OR2C1: variants seen among roughly 807,000 people sequenced by gnomAD.
OR2C1 encodes the protein olfactory receptor family 2 subfamily C member 1, also known as olfactory receptor 2C1.
For synonymous variants in OR2C1, 209 were observed against 167.3 expected, an observed-to-expected ratio of 1.25 and a Z score of -1.92; for missense variants, 468 against 388.3, an observed-to-expected ratio of 1.21 and a Z score of -1.73.
In OR2C1 at chr16:3,356,159, C is replaced by T. The variant is rs1227382345; in HGVS notation, c.219C>T (p.Phe73=). ...LSNLSSLDLA[F]ATSSVPQMLI... ...ACCTCTCCTCCTTGGACCTTGCTTTCGCTACTAGTTCAGTCCCCCAAATGC... is the reference window on the plus strand; with the variant it reads ...ACCTCTCCTCCTTGGACCTTGCTTTTGCTACTAGTTCAGTCCCCCAAATGC... Residue 73 remains phenylalanine (F), a synonymous_variant, in exon 1 of 1, where the codon TTC becomes TTT. Transcript: ENST00000304936. 3.7e-6 allele frequency: 6 copies of T among 1,614,202 alleles called. No individual in the cohort carries two copies. The highest frequency in any genetic ancestry group is 1.1e-5 in the South Asian group (1 of 91,084).
the OR2C1 span, among the ~76,000 whole-genome samples, chr16:3,338,502 T>A: frequency 6.7e-6 from 1 of 149,928 alleles, no homozygotes; most frequent in Non-Finnish European, 1.5e-5. Context: ...TGGTTTTGGT[T>A]TTCTGTGGGG....
At chr16:3,329,722 T>C in the OR2C1 span, among the ~76,000 whole-genome samples, 1 of 146,626 alleles carries the variant, frequency 6.8e-6, no homozygotes, top group African/African-American at 2.5e-5. Context: ...GTGCTGGGAT[T>C]ACAGGCGTGA....
At chr16:3,332,833 A>G in the OR2C1 span, among the ~76,000 whole-genome samples, 723 of 152,180 alleles carry the variant, frequency 4.8e-3, 4 homozygotes, top group Non-Finnish European at 5.7e-3. Flanking sequence ...GTGTTGCAAT[A>G]AACATGGGAA....
At chr16:3,334,534 T>C in the OR2C1 span, among the ~76,000 whole-genome samples, 1 of 148,374 alleles carries the variant, frequency 6.7e-6, no homozygotes, top group African/African-American at 2.5e-5. Context: ...CAACTCAGCC[T>C]CCCAAAGTGC....
the OR2C1 span, among the ~76,000 whole-genome samples, chr16:3,349,126 C>T: frequency 3.9e-5 from 6 of 152,142 alleles, no homozygotes; most frequent in African/African-American, 1.4e-4. Context: ...CCCCCTCCCC[C>T]ACGTTGTATA....
the OR2C1 span, among the ~76,000 whole-genome samples, chr16:3,349,199 A>C: frequency 6.6e-6 from 1 of 152,178 alleles, no homozygotes; most frequent in Non-Finnish European, 1.5e-5. Context: ...TCATATAATT[A>C]GCAATTATTT....
At chr16:3,345,809 CTCCT>C in the OR2C1 span, among the ~76,000 whole-genome samples, 49 of 138,822 alleles carry the variant, frequency 3.5e-4, no homozygotes, top group African/African-American at 1.0e-3. Flanking sequence ...TCTCTTTTCT[CTCCT>C]TCCTTCCTTC....
the OR2C1 span, among the ~76,000 whole-genome samples, chr16:3,332,401 T>C: frequency 6.6e-6 from 1 of 152,116 alleles, no homozygotes; most frequent in Non-Finnish European, 1.5e-5. Context: ...TTGAAAAGTG[T>C]AATAGATTAT....
chr16:3,347,670 C>A, the OR2C1 span, among the ~76,000 whole-genome samples: 1 of 152,164 alleles, frequency 6.6e-6, no homozygotes, highest in Non-Finnish European at 1.5e-5. Context: ...TGCTCTGCAA[C>A]TGGCTTTTAT....
chr16:3,336,813 ATTC>A, the OR2C1 span, among the ~76,000 whole-genome samples: 21 of 144,808 alleles, frequency 1.5e-4, no homozygotes, highest in African/African-American at 2.6e-4. Context: ...GGTTCAAGCG[ATTC>A]TTCTTCTTCA....
In OR2C1 at chr16:3,357,078, C is replaced by G; in HGVS notation, c.*199C>G. On this transcript the variant is annotated 3_prime_UTR_variant, in exon 1 of 1. Transcript: ENST00000304936. ...TGTTCTACACTTATTTACCAAAAAT[C>G]CTACTGTGGACTACCGATAGCAGGG... 1.8e-6 allele frequency: 1 copy of G among 562,424 alleles called. No individual in the cohort carries two copies. Among genetic ancestry groups the G allele is most frequent in the Non-Finnish European group, 3.2e-6 (1 of 312,426 alleles). The allele number at this position is 562,424 out of a possible 1,614,324, so 34.8% of individuals were successfully genotyped here. A position where few individuals can be genotyped will look rare whatever the true frequency, so the allele number is the denominator to read the frequency against.
chr16:3,337,566 C>G, the OR2C1 span, among the ~76,000 whole-genome samples: 4 of 152,058 alleles, frequency 2.6e-5, no homozygotes, highest in African/African-American at 9.7e-5. Context: ...AGTGTTATTT[C>G]TCATTTCCAA....
chr16:3,324,390 G>A, the OR2C1 span, among the ~76,000 whole-genome samples: 4 of 152,034 alleles, frequency 2.6e-5, no homozygotes, highest in East Asian at 3.9e-4. Flanking sequence ...GGGTTTCAAC[G>A]TGTTTCCCAG....
rs372910042 is a variant in OR2C1 at position 3,356,057 on chromosome 16, A to T, written c.117A>T (p.Leu39=). Residue 39 remains leucine (L), a synonymous_variant, in exon 1 of 1, where the codon CTA becomes CTT. Coordinates refer to ENST00000304936, the MANE Select transcript of OR2C1 (RefSeq NM_012368.3). ...TCCTCTTCTCCTATTTGCTGACCCT[A>T]CTTGGGAACTCAACCATCATCTTGC... The part of the protein sequence containing the change: ...IAILFSYLLT[L]LGNSTIILLS... 10 of 1,613,898 alleles carry T rather than the reference A, an allele frequency of 6.2e-6. No homozygotes were observed. The South Asian group carries it at 9.9e-5, about 16-fold the overall frequency.
the OR2C1 span, among the ~76,000 whole-genome samples, chr16:3,329,748 CTT>C: frequency 9.6e-5 from 6 of 62,632 alleles, no homozygotes; most frequent in African/African-American, 3.2e-4. Flanking sequence ...GGCGCCCGGC[CTT>C]TTTTTTTTTT....
At chr16:3,341,396 A>G in the OR2C1 span, among the ~76,000 whole-genome samples, 1 of 152,060 alleles carries the variant, frequency 6.6e-6, no homozygotes, top group Admixed American at 6.6e-5. Flanking sequence ...TTATGAATAG[A>G]GATAGTTTTA....
chr16:3,344,154 G>C, the OR2C1 span, among the ~76,000 whole-genome samples: 15 of 152,022 alleles, frequency 9.9e-5, no homozygotes, highest in African/African-American at 3.4e-4. Context: ...CCAGGAGGTG[G>C]AGGTTTCAGT....
At chr16:3,326,834 C>G in the OR2C1 span, among the ~76,000 whole-genome samples, 1 of 152,070 alleles carries the variant, frequency 6.6e-6, no homozygotes, top group Non-Finnish European at 1.5e-5. Flanking sequence ...CATAGATGAG[C>G]CTTAGGATGA....
the OR2C1 span, among the ~76,000 whole-genome samples, chr16:3,343,737 GCAAGACC>G: frequency 6.6e-6 from 1 of 150,418 alleles, no homozygotes; most frequent in Admixed American, 6.6e-5. Context: ...GGGCAACAGA[GCAAGACC>G]CTGTCTCAAA....
Sources: allele counts gnomAD v4.1 joint callset (sites outside exome capture counted in the v4.1 genomes callset), GRCh38; gene constraint gnomAD v4.1.1; transcripts MANE v1.5; gene names NCBI Gene and HGNC (gene_info 2026-07-23, HGNC 2026-07-21).